The following C1QTNF5 variants were observed in gnomAD, a reference collection of about 807,000 sequenced individuals.
C1QTNF5 encodes C1q and TNF related 5.
A neutral mutation model predicts 10.9 loss-of-function variants in C1QTNF5; 5 were observed. The observed-to-expected ratio is 0.46, with a 90% CI of 0.24 to 0.97. The LOEUF (loss-of-function observed/expected upper bound fraction) is 0.97. Among genes scored for constraint, C1QTNF5 ranks in the 50% least tolerant of loss-of-function variants. C1QTNF5 has a pLI of 0.19. For synonymous variants in C1QTNF5, 161 were observed against 156.5 expected (o/e 1.03, Z -0.22); for missense variants, 281 against 339.4 (o/e 0.83, Z 1.35).
At position 119,340,386 on chromosome 11, in the gene C1QTNF5, G is replaced by T; in HGVS notation, c.12C>A (p.Leu4=). ...CCAGGCCCAGGAGCAGCAGGACGAG[G>T]AGTGGCCTCATAGCGCTGGCACCGG... is the stretch of plus-strand genomic sequence containing the variant. The part of the protein sequence containing the change: MRP[L]LVLLLLGLAA... Residue 4 remains leucine, a synonymous_variant, in exon 2 of 3, where the codon CTC becomes CTA. Transcript: ENST00000528368. 2 of 1,545,522 alleles carry T rather than the reference G, an allele frequency of 1.3e-6. No homozygotes were observed. The highest frequency in any genetic ancestry group is 8.7e-7 in the Non-Finnish European group (1 of 1,146,172).
chr11:119,344,585 A>G (rs757605843), upstream of C1QTNF5: 1 of 1,613,362 alleles, frequency 6.2e-7, no homozygotes, highest in Non-Finnish European at 8.5e-7. Flanking sequence ...CCCAGCTTGA[A>G]CCCAGATCAG....
chr11:119,340,242 G>T lies in C1QTNF5; in HGVS notation c.156C>A (p.Arg52=). 6.6e-7 allele frequency: 1 copy of T among 1,513,694 alleles called. No homozygotes were observed. 93.8% of individuals were successfully genotyped at this position (1,513,694 alleles called of 1,614,324 possible). Residue 52 remains arginine, a synonymous_variant, in exon 2 of 3, where the codon CGC becomes CGA. Transcript: ENST00000528368. ...CCCCGGGCGCGCCGTCGCGGCCGTCGCGGCCATCGCGGCCCGGCAAGCCCT... is the reference window on the plus strand; with the variant it reads ...CCCCGGGCGCGCCGTCGCGGCCGTCTCGGCCATCGCGGCCCGGCAAGCCCT... ...GSQGLPGRDG[R]DGRDGAPGAP... is the part of the protein sequence containing the mutation.
upstream of C1QTNF5, chr11:119,344,755 T>C (rs1377817060): frequency 6.2e-7 from 1 of 1,613,882 alleles, no homozygotes; most frequent in Admixed American, 1.7e-5. Flanking sequence ...TGGGCACAGC[T>C]CCCTGGATGT....
rs999729483 is a variant in C1QTNF5, at chr11:119,340,698, C to T, written c.-47G>A. The stretch of plus-strand genomic sequence containing the variant: ...TCCCCTCCTCCGCCAGACTCACCCC[C>T]CCTCCCGGCTCCCCGATGGCCTCCT... On this transcript the variant is annotated 5_prime_UTR_variant, in exon 1 of 3. Transcript: ENST00000528368. The T allele has an allele frequency of 6.2e-5, 27 of 434,058 alleles. No individual in the cohort carries two copies. The highest frequency in any genetic ancestry group is 4.4e-4 in the African/African-American group (21 of 47,246). 26.9% of individuals were successfully genotyped at this position (434,058 alleles called of 1,614,324 possible). A position where few individuals can be genotyped will look rare whatever the true frequency, so the allele number is the denominator to read the frequency against.
At chr11:119,342,817 T>C (rs1453636989), upstream of C1QTNF5, 3 of 1,612,934 alleles carry the variant, frequency 1.9e-6, no homozygotes, top group South Asian at 1.1e-5. Flanking sequence ...AGAGCCCTTG[T>C]CTGTCCCCCT....
chr11:119,341,377 G>GATCTC, upstream of C1QTNF5: 7 of 617,334 alleles, frequency 1.1e-5, no homozygotes, highest in South Asian at 5.9e-5. Flanking sequence ...GGAGCAGGGA[G>GATCTC]GGTGGTAGGG....
At chr11:119,344,375 C>T (rs376084659), upstream of C1QTNF5, 51 of 1,613,754 alleles carry the variant, frequency 3.2e-5, no homozygotes, top group Non-Finnish European at 4.3e-5. Flanking sequence ...GGAGGCCAGT[C>T]AGATTCCCCC....
chr11:119,345,023 G>T (rs996211821), upstream of C1QTNF5: 23 of 1,597,596 alleles, frequency 1.4e-5, no homozygotes, highest in South Asian at 3.4e-5. Flanking sequence ...AGCCAGGTTG[G>T]GGGTGAGGGA....
upstream of C1QTNF5, chr11:119,342,451 T>C (rs1022790752): frequency 9.8e-7 from 1 of 1,019,954 alleles, no homozygotes; most frequent in African/African-American, 1.6e-5. Context: ...CAGGACTCTG[T>C]GAAGTGGTCC....
upstream of C1QTNF5, chr11:119,341,995 G>A (rs935673799): frequency 2.2e-5 from 36 of 1,613,072 alleles, no homozygotes; most frequent in Non-Finnish European, 2.9e-5. Flanking sequence ...CTGCAGGGGT[G>A]GAGGGGAGGG....
chr11:119,345,907 G>A, upstream of C1QTNF5: 1 of 1,613,766 alleles, frequency 6.2e-7, no homozygotes, highest in Non-Finnish European at 8.5e-7. Context: ...GGACGCCCCA[G>A]ATGGGGGTGC....
At chr11:119,342,857 G>T (rs370286787), upstream of C1QTNF5, 58 of 1,613,044 alleles carry the variant, frequency 3.6e-5, no homozygotes, top group Middle Eastern at 3.3e-4. Context: ...CCACCCACTT[G>T]CCCAGGGGCA....
Position 119,339,877 on chromosome 11 carries a change from G to A in C1QTNF5, c.215-29C>T. On this transcript the variant is annotated intron_variant, in intron 2 of 2. Transcript: ENST00000528368. This position sits in a 1 kb window ranked among gnomAD's most constrained non-coding sequence, Gnocchi z 5.4. Reference sequence around the variant, plus strand: ...CGGGGTAAGCGGGGCGGCAGGGTGAGAGTAGCGGCGGCTCAGCCCGCAGCG... The same window carrying A: ...CGGGGTAAGCGGGGCGGCAGGGTGAAAGTAGCGGCGGCTCAGCCCGCAGCG... The A allele has an allele frequency of 6.9e-7, 1 of 1,443,164 alleles. No homozygotes were observed. The highest frequency in any genetic ancestry group is 1.4e-5 in the African/African-American group (1 of 69,460). The allele number at this position is 1,443,164 out of a possible 1,614,324, so 89.4% of individuals were successfully genotyped here.
chr11:119,342,617 C>G (rs369531002), upstream of C1QTNF5: 2 of 1,613,286 alleles, frequency 1.2e-6, no homozygotes, highest in African/African-American at 2.7e-5. Context: ...AACAAGGGGC[C>G]GCTGCAGTTG....
At chr11:119,346,120 G>A in the C1QTNF5 span, 6 of 1,605,320 alleles carry the variant, frequency 3.7e-6, no homozygotes, top group Non-Finnish European at 5.1e-6. Flanking sequence ...ACAGAGCCAG[G>A]AGAAGCGGCA....
chr11:119,340,692 C>T lies in C1QTNF5; in HGVS notation c.-44+3G>A. On this transcript the variant is annotated splice_donor_region_variant and intron_variant, in intron 1 of 2. Transcript: ENST00000528368. Reference sequence around the variant, plus strand: ...CCCCTTTCCCCTCCTCCGCCAGACTCACCCCCCCTCCCGGCTCCCCGATGG... The same window carrying T: ...CCCCTTTCCCCTCCTCCGCCAGACTTACCCCCCCTCCCGGCTCCCCGATGG... The T allele has an allele frequency of 2.3e-6, 1 of 440,142 alleles. No individual in the cohort carries two copies. The highest frequency in any genetic ancestry group is 2.7e-5 in the South Asian group (1 of 37,604). 27.3% of individuals were successfully genotyped at this position (440,142 alleles called of 1,614,324 possible).
chr11:119,340,461 G>T, intron 1 of C1QTNF5, 21 bp from the exon 2 acceptor site: 1 of 1,496,024 alleles, frequency 6.7e-7, no homozygotes. Context: ...GGCAGGACTG[G>T]AGTCGGGACC....
At chr11:119,346,438 C>T in the C1QTNF5 span, 3 of 1,613,964 alleles carry the variant, frequency 1.9e-6, no homozygotes, top group Non-Finnish European at 2.5e-6. Flanking sequence ...GTCTTAGGAG[C>T]ACGATTCTAT....
upstream of C1QTNF5, chr11:119,344,754 C>A: frequency 6.2e-7 from 1 of 1,613,986 alleles, no homozygotes; most frequent in Non-Finnish European, 8.5e-7. Context: ...ATGGGCACAG[C>A]TCCCTGGATG....
Sources: allele counts gnomAD v4.1 joint callset, GRCh38; gene constraint gnomAD v4.1.1; non-coding constraint Gnocchi (gnomAD v3.1); transcripts MANE v1.5; gene names NCBI Gene and HGNC (gene_info 2026-07-23, HGNC 2026-07-21).